Variants in SMARCB1 observed in about 807,000 individuals in gnomAD.
SMARCB1 encodes SWI/SNF-related matrix-associated actin-dependent regulator of chromatin subfamily B member 1.
SMARCB1 carries 5 observed loss-of-function variants against 49.0 expected under a neutral mutation model. The ratio of observed to expected loss-of-function variants is 0.10; its 90% CI spans 0.05 to 0.21. The LOEUF (loss-of-function observed/expected upper bound fraction) is 0.21, where lower values mean the gene tolerates loss of function less well. Ranked by LOEUF, SMARCB1 falls within the 10% of genes least tolerant of loss-of-function variation. The probability of loss-of-function intolerance (pLI) is 1.00; values close to 1 mark genes in which losing one functional copy is unlikely to be tolerated. For synonymous variants in SMARCB1, 201 were observed against 200.1 expected (o/e 1.00, Z -0.04); for missense variants, 226 against 509.2 (o/e 0.44, Z 5.35).
At chr22:23,820,732 G>A (rs1157854182) in intron 6 of SMARCB1, among the ~76,000 whole-genome samples, 2 of 149,910 alleles carry the variant, frequency 1.3e-5, no homozygotes, top group Non-Finnish European at 3.0e-5. Flanking sequence ...GGCCAGCTAG[G>A]AGGAAAAGAA....
chr22:23,827,667 A>G (rs912253155), intron 7 of SMARCB1, among the ~76,000 whole-genome samples: 2 of 152,170 alleles, frequency 1.3e-5, no homozygotes, highest in African/African-American at 4.8e-5. Context: ...CTATCACAGC[A>G]GCCAGATGGA....
intron 7 of SMARCB1, 87 bp downstream of exon 7, chr22:23,825,502 T>C: frequency 1.7e-6 from 2 of 1,211,580 alleles, no homozygotes; most frequent in Non-Finnish European, 2.4e-6. Context: ...GTGATACCTT[T>C]GAGGCTTTCT....
chr22:23,825,127 G>T, intron 6 of SMARCB1, 98 bp from the exon 7 acceptor site: 1 of 948,320 alleles, frequency 1.1e-6, no homozygotes, highest in South Asian at 1.3e-5. Context: ...GGTGGACCCT[G>T]GTGGGCAGGG....
rs1251285556 is a variant in SMARCB1 at position 23,834,364 on chromosome 22, T to C, written c.*184T>C. On this transcript the variant is annotated 3_prime_UTR_variant, in exon 9 of 9. Transcript: ENST00000644036. ...CATTCCATTTGTTGAGCCCCAGTCCTGCCCCCCACCCCACCCTCCCTACCC... is the reference window on the plus strand; with the variant it reads ...CATTCCATTTGTTGAGCCCCAGTCCCGCCCCCCACCCCACCCTCCCTACCC... 1.7e-5 allele frequency: 12 copies of C among 710,682 alleles called. No individual in the cohort carries two copies. The highest frequency in any genetic ancestry group is 2.5e-6 in the Non-Finnish European group (1 of 395,584). 44.0% of individuals were successfully genotyped at this position (710,682 alleles called of 1,614,324 possible). A position where few individuals can be genotyped will look rare whatever the true frequency, so the allele number is the denominator to read the frequency against.
intron 4 of SMARCB1, chr22:23,801,442 C>T (rs1929150237): frequency 8.9e-6 from 5 of 564,922 alleles, no homozygotes; most frequent in African/African-American, 1.8e-5. Flanking sequence ...CCACCATTTC[C>T]CAGAGCCTGC....
At chr22:23,833,541 T>G in intron 7 of SMARCB1, 31 bp from the exon 8 acceptor site, 1 of 1,613,988 alleles carries the variant, frequency 6.2e-7, no homozygotes, top group African/African-American at 1.3e-5. Context: ...GCTGGAAAAG[T>G]CATTCCTCTC....
intron 5 of SMARCB1, among the ~76,000 whole-genome samples, chr22:23,813,157 G>C (rs897134767): frequency 1.3e-5 from 2 of 152,228 alleles, no homozygotes; most frequent in Non-Finnish European, 2.9e-5. Flanking sequence ...GAGCCACAGA[G>C]CCTGGCCTTC....
chr22:23,793,728 T>C, intron 3 of SMARCB1, 40 bp downstream of exon 3: 1 of 1,605,396 alleles, frequency 6.2e-7, no homozygotes. Context: ...GGGACACCTG[T>C]GGGGTCTTTT....
chr22:23,799,656 G>C lies in SMARCB1; in HGVS notation c.363-1288G>C, dbSNP rs1424838710. Among the ~76,000 whole-genome samples, 5 of 145,812 alleles carry C rather than the reference G, an allele frequency of 3.4e-5. No homozygotes were observed. In the East Asian group the frequency reaches 1.0e-3, roughly 30 times the overall value. On this transcript the variant is annotated intron_variant, in intron 3 of 8. Transcript: ENST00000644036. Reference sequence around the variant, plus strand: ...GCCTCCTGAGTAGCTGAGATTACAGGTTCCTGCCATCACACCTGGCTAATT... The same window carrying C: ...GCCTCCTGAGTAGCTGAGATTACAGCTTCCTGCCATCACACCTGGCTAATT...
chr22:23,837,620 G>A lies in SMARCB1; in HGVS notation c.*3440G>A. On this transcript the variant is annotated 3_prime_UTR_variant, in exon 9 of 9. Coordinates refer to ENST00000644036, the MANE Select transcript of SMARCB1 (RefSeq NM_003073.5). ...ATAAGCAGCGTGTCCTGAGGGGAGT[G>A]GCCAGCCTGGGGCGGACTAGATGTA... 6.3e-7 allele frequency: 1 copy of A among 1,591,754 alleles called. No homozygotes were observed. The highest frequency in any genetic ancestry group is 8.6e-7 in the Non-Finnish European group (1 of 1,166,032).
At chr22:23,800,130 G>C (rs1218285496) in intron 3 of SMARCB1, among the ~76,000 whole-genome samples, 2 of 152,194 alleles carry the variant, frequency 1.3e-5, no homozygotes, top group Non-Finnish European at 2.9e-5. Context: ...CACCTGGCCT[G>C]GTTTCGAACT....
intron 5 of SMARCB1, among the ~76,000 whole-genome samples, chr22:23,806,135 T>C (rs377335500): frequency 6.6e-6 from 1 of 152,218 alleles, no homozygotes; most frequent in African/African-American, 2.4e-5. Flanking sequence ...CCAGGCAGAA[T>C]GAGACGTGAA....
chr22:23,819,078 C>G (rs975301923), intron 6 of SMARCB1, among the ~76,000 whole-genome samples: 22 of 152,120 alleles, frequency 1.4e-4, no homozygotes, highest in African/African-American at 5.1e-4. Flanking sequence ...TCTCAAACTC[C>G]TGGGCTCAAG....
chr22:23,835,813 C>G lies in SMARCB1; in HGVS notation c.*1633C>G. ...GGAAGGAACCTTGGCTGCCTCACCC[C>G]ACAGGTCGGGCAGGGCCACCTGGCT... On this transcript the variant is annotated 3_prime_UTR_variant, in exon 9 of 9. Transcript: ENST00000644036. The G allele has an allele frequency of 5.1e-6, 5 of 985,472 alleles. No individual in the cohort carries two copies. The highest frequency in any genetic ancestry group is 6.0e-6 in the Non-Finnish European group (5 of 829,964). 61.0% of individuals were successfully genotyped at this position (985,472 alleles called of 1,614,324 possible).
chr22:23,824,696 G>C (rs1184848850), intron 6 of SMARCB1: 1 of 174,404 alleles, frequency 5.7e-6, no homozygotes, highest in Non-Finnish European at 1.3e-5. Flanking sequence ...AGCTGGCCCA[G>C]CACTGTGATC....
At chr22:23,795,266 A>G (rs1210545756) in intron 3 of SMARCB1, among the ~76,000 whole-genome samples, 1 of 152,120 alleles carries the variant, frequency 6.6e-6, no homozygotes, top group Non-Finnish European at 1.5e-5. Flanking sequence ...GTGAGACGTT[A>G]TCTCTACTGA....
Position 23,836,715 on chromosome 22 carries a change from G to A in SMARCB1, c.*2535G>A, listed in dbSNP as rs762241597. On this transcript the variant is annotated 3_prime_UTR_variant, in exon 9 of 9. Transcript: ENST00000644036. ...GTGGCCAGGTGAGATGGGGAAGCCA[G>A]TGCTGTGGGCCAAGAGACTGCAGCT... 6 of 1,343,040 alleles carry A rather than the reference G, an allele frequency of 4.5e-6. No homozygotes were observed. The highest frequency in any genetic ancestry group is 5.7e-6 in the Non-Finnish European group (6 of 1,053,986). 83.2% of individuals were successfully genotyped at this position (1,343,040 alleles called of 1,614,324 possible). A position where few individuals can be genotyped will look rare whatever the true frequency, so the allele number is the denominator to read the frequency against.
At chr22:23,792,026 G>A in intron 2 of SMARCB1, 132 bp downstream of exon 2, 1 of 937,406 alleles carries the variant, frequency 1.1e-6, no homozygotes, top group Non-Finnish European at 1.7e-6. Context: ...CCCGGGGTGG[G>A]CCGCCCTGTG....
At chr22:23,806,846 G>A (rs1929525290) in intron 5 of SMARCB1, among the ~76,000 whole-genome samples, 1 of 151,096 alleles carries the variant, frequency 6.6e-6, no homozygotes, top group Non-Finnish European at 1.5e-5. Context: ...CTTGAACCTG[G>A]GAGGCAGAGG....
Sources: gnomAD v4.1 joint callset for allele counts (sites outside exome capture counted in the v4.1 genomes callset) on GRCh38, gnomAD v4.1.1 for gene constraint, MANE v1.5 for transcripts, NCBI Gene and HGNC (gene_info 2026-07-23, HGNC 2026-07-21) for gene names.